The following TMIGD3 variants were observed in gnomAD, a reference collection of about 807,000 sequenced individuals.
TMIGD3 encodes the protein transmembrane and immunoglobulin domain containing 3.
Under a neutral mutation model 28.1 loss-of-function variants are expected in TMIGD3, and 21 were observed. The ratio of observed to expected loss-of-function variants is 0.75; its 90% CI spans 0.53 to 1.08. TMIGD3 has a LOEUF of 1.08. Among genes scored for constraint, TMIGD3 ranks in the 50% least tolerant of loss-of-function variants. TMIGD3 has a pLI of 0.00. For missense variants in TMIGD3, 416 were observed against 435.6 expected (o/e 0.96, Z 0.40); for synonymous variants, 151 against 162.1 (o/e 0.93, Z 0.52).
At chr1:111,492,233 A>T (rs1654699790) in intron 1 of TMIGD3, among the ~76,000 whole-genome samples, 2 of 152,266 alleles carry the variant, frequency 1.3e-5, no homozygotes, top group South Asian at 4.2e-4. Context: ...CCATGCATTA[A>T]CCACCCAACC....
chr1:111,515,025 C>T (rs1433821855), intron 1 of TMIGD3, among the ~76,000 whole-genome samples: 1 of 152,220 alleles, frequency 6.6e-6, no homozygotes, highest in East Asian at 1.9e-4. Flanking sequence ...CATGCCCAGC[C>T]GCCTGTGTTA....
At chr1:111,488,615 C>A in intron 3 of TMIGD3, 62 bp downstream of exon 3, 1 of 1,484,544 alleles carries the variant, frequency 6.7e-7, no homozygotes, top group South Asian at 1.2e-5. Flanking sequence ...AGAGTGCTCT[C>A]TTAGCAGCAA....
At chr1:111,503,693 G>A (rs1187509188), upstream of TMIGD3, 7 of 1,060,928 alleles carry the variant, frequency 6.6e-6, no homozygotes, top group African/African-American at 3.3e-5. Flanking sequence ...GCCTCTGCCT[G>A]CAGCTTTTTG....
intron 1 of TMIGD3, among the ~76,000 whole-genome samples, chr1:111,558,174 G>T (rs951980232): frequency 6.6e-6 from 1 of 152,068 alleles, no homozygotes; most frequent in South Asian, 2.1e-4. Flanking sequence ...AGTCAATATG[G>T]AAATTTTTTT....
chr1:111,506,359 TA>T (rs1418082110), upstream of TMIGD3, among the ~76,000 whole-genome samples: 1 of 152,250 alleles, frequency 6.6e-6, no homozygotes, highest in East Asian at 1.9e-4. Flanking sequence ...CGAGGACTCT[TA>T]AGTGCTCTGC....
At chr1:111,540,979 A>G (rs1215630923) in intron 1 of TMIGD3, among the ~76,000 whole-genome samples, 8 of 152,060 alleles carry the variant, frequency 5.3e-5, no homozygotes, top group Non-Finnish European at 1.5e-5. Flanking sequence ...TTTTCTGAAA[A>G]GGGACAGATG....
chr1:111,550,933 A>G (rs1270779244), intron 1 of TMIGD3, among the ~76,000 whole-genome samples: 2 of 152,204 alleles, frequency 1.3e-5, no homozygotes, highest in African/African-American at 2.4e-5. Context: ...CATGTTTATC[A>G]TTGTTATATC....
chr1:111,494,048 T>A (rs1334924446), intron 1 of TMIGD3, among the ~76,000 whole-genome samples: 2 of 152,272 alleles, frequency 1.3e-5, no homozygotes, highest in South Asian at 2.1e-4. Flanking sequence ...GAAAATAGAA[T>A]CCTGACCTGC....
chr1:111,488,351 A>G (rs553958579), intron 3 of TMIGD3, among the ~76,000 whole-genome samples: 1 of 152,144 alleles, frequency 6.6e-6, no homozygotes, highest in African/African-American at 2.4e-5. Flanking sequence ...TTTAATAACA[A>G]CTTCAAAGCC....
At chr1:111,500,501 GC>G in intron 1 of TMIGD3, 5 of 1,614,222 alleles carry the variant, frequency 3.1e-6, no homozygotes, top group Non-Finnish European at 3.4e-6. Flanking sequence ...AATGACACCA[GC>G]CAGCAAAGGC....
chr1:111,529,766 C>T (rs1245971958), intron 1 of TMIGD3, among the ~76,000 whole-genome samples: 3 of 151,550 alleles, frequency 2.0e-5, no homozygotes, highest in Non-Finnish European at 3.0e-5. Context: ...CCATGTCTAC[C>T]TCTTTCTACA....
chr1:111,513,783 C>G (rs1655769218), intron 1 of TMIGD3, among the ~76,000 whole-genome samples: 1 of 152,180 alleles, frequency 6.6e-6, no homozygotes, highest in African/African-American at 2.4e-5. Context: ...TTTGTGTTAT[C>G]TCGGAGTTGG....
intron 1 of TMIGD3, among the ~76,000 whole-genome samples, chr1:111,492,456 A>G (rs1477742465): frequency 6.6e-6 from 1 of 152,214 alleles, no homozygotes; most frequent in Non-Finnish European, 1.5e-5. Context: ...GCAACATGAA[A>G]CCAAAGAAAG....
chr1:111,563,366 A>C (rs1657823345), intron 1 of TMIGD3, among the ~76,000 whole-genome samples: 1 of 152,242 alleles, frequency 6.6e-6, no homozygotes, highest in African/African-American at 2.4e-5. Flanking sequence ...GGGAGATAAG[A>C]CATTCACATA....
chr1:111,497,695 G>A (rs1282947318), intron 1 of TMIGD3, among the ~76,000 whole-genome samples: 1 of 151,934 alleles, frequency 6.6e-6, no homozygotes, highest in Non-Finnish European at 1.5e-5. Flanking sequence ...GGAGGAAGAG[G>A]GAAGAAAAGA....
chr1:111,503,012 T>C lies in TMIGD3; in HGVS notation c.343A>G (p.Thr115Ala). The change falls in exon 1 of 6, where the codon ACC (threonine) becomes GCC (alanine). Residue 115 changes from threonine to alanine, a missense_variant. By Grantham distance (58) the Thr-to-Ala change is moderately conservative. Transcript: ENST00000369716. The stretch of plus-strand genomic sequence containing the variant: ...CCCCACGCCGCAGGCTACCTGACGG[T>C]AAGCTTGACCCGCAAGTATCGGTCC... The part of the protein sequence containing the change: ...AVDRYLRVKL[T>A]VRFRIPGLPG... The C allele has an allele frequency of 6.2e-7, 1 of 1,613,602 alleles. No individual in the cohort carries two copies. The highest frequency in any genetic ancestry group is 1.1e-5 in the South Asian group (1 of 91,074).
rs573020877 is a variant in TMIGD3, at chr1:111,539,269, A to C, written c.107+24577T>G. ...TGCCTCCTTCTCTCCCCTCTCTAGT[A>C]GTCCCAGTGTCTGTTGTTCCCATCT... On this transcript the variant is annotated intron_variant, in intron 1 of 5. Coordinates refer to the TMIGD3 transcript ENST00000369717. Among the ~76,000 whole-genome samples the C allele has an allele frequency of 1.3e-4, 20 of 152,156 alleles. No individual in the cohort carries two copies. In the East Asian group the frequency reaches 3.7e-3, roughly 28 times the overall value.
chr1:111,504,294 G>A (rs751497033), upstream of TMIGD3, among the ~76,000 whole-genome samples: 13 of 152,190 alleles, frequency 8.5e-5, no homozygotes, highest in African/African-American at 1.2e-4. Context: ...TGTGAGGAAC[G>A]ACAGAATAGC....
intron 5 of TMIGD3, among the ~76,000 whole-genome samples, chr1:111,484,666 T>G (rs1292301308): frequency 6.6e-6 from 1 of 152,240 alleles, no homozygotes; most frequent in South Asian, 2.1e-4. Flanking sequence ...CCTTGAAGCC[T>G]TTGCTTTGCA....
Sources: allele counts gnomAD v4.1 joint callset (sites outside exome capture counted in the v4.1 genomes callset), GRCh38; gene constraint gnomAD v4.1.1; transcripts MANE v1.5; gene names NCBI Gene and HGNC (gene_info 2026-07-23, HGNC 2026-07-21).